IBTK: variants seen among roughly 807,000 people sequenced by gnomAD.
IBTK encodes the protein inhibitor of Bruton tyrosine kinase, also known as BTK-binding protein.
In IBTK, 83 loss-of-function variants were observed where a neutral mutation model predicts 154.9. The ratio of observed to expected loss-of-function variants is 0.54; its 90% CI spans 0.45 to 0.64. The LOEUF (loss-of-function observed/expected upper bound fraction) is 0.64. Ranked by LOEUF, IBTK falls within the 30% of genes least tolerant of loss-of-function variation. The pLI, the probability that IBTK is intolerant of heterozygous loss-of-function variation, is 0.00. For synonymous variants in IBTK, 515 were observed against 536.1 expected, an observed-to-expected ratio of 0.96 and a Z score of 0.54; for missense variants, 1,332 against 1,584.6, an observed-to-expected ratio of 0.84 and a Z score of 2.71.
At chr6:82,187,434 A>G (rs1437449391) in intron 25 of IBTK, among the ~76,000 whole-genome samples, 1 of 152,212 alleles carries the variant, frequency 6.6e-6, no homozygotes, top group African/African-American at 2.4e-5. Flanking sequence ...AGTTTCAGAT[A>G]AATGACCACT....
Position 82,208,909 on chromosome 6 carries a change from AG to A in IBTK, c.2509+1904del, listed in dbSNP as rs1769519370. ...AACATTATAAAAAAACAAATAATTG[AG>A]AAAAAAAGTGTCCAAAGGATTTGAG... On this transcript the variant is annotated intron_variant, in intron 16 of 28. Coordinates refer to ENST00000306270, the MANE Select transcript of IBTK (RefSeq NM_015525.4). 3.3e-5 allele frequency among the ~76,000 whole-genome samples: 5 copies of A among 152,334 alleles called. No homozygotes were observed. In the South Asian group the frequency reaches 1.0e-3, roughly 32 times the overall value.
intron 1 of IBTK, among the ~76,000 whole-genome samples, chr6:82,245,230 T>C (rs1771099529): frequency 6.6e-6 from 1 of 152,118 alleles, no homozygotes; most frequent in African/African-American, 2.4e-5. Flanking sequence ...TAAGACTTTC[T>C]ACAGGAGATA....
chr6:82,231,066 G>C (rs901640522), intron 4 of IBTK, among the ~76,000 whole-genome samples: 1 of 152,046 alleles, frequency 6.6e-6, no homozygotes, highest in African/African-American at 2.4e-5. Flanking sequence ...CTGAGACTTA[G>C]ACATTTAATT....
At chr6:82,246,573 G>A (rs541722324) in intron 1 of IBTK, among the ~76,000 whole-genome samples, 3 of 151,692 alleles carry the variant, frequency 2.0e-5, no homozygotes, top group African/African-American at 7.3e-5. Flanking sequence ...CAGTAGCTGG[G>A]ATTACAGGCG....
chr6:82,180,804 C>T (rs1290119775), intron 26 of IBTK, among the ~76,000 whole-genome samples: 2 of 152,180 alleles, frequency 1.3e-5, no homozygotes, highest in Non-Finnish European at 2.9e-5. Context: ...TTCCTCAGGA[C>T]AGGTAAAGTG....
At chr6:82,187,008 C>T (rs1169353206) in intron 25 of IBTK, among the ~76,000 whole-genome samples, 1 of 150,674 alleles carries the variant, frequency 6.6e-6, no homozygotes, top group African/African-American at 2.4e-5. Flanking sequence ...CTCTGCCTCC[C>T]AGGTTCAAGT....
At chr6:82,208,992 A>T (rs955537745) in intron 16 of IBTK, among the ~76,000 whole-genome samples, 7 of 152,340 alleles carry the variant, frequency 4.6e-5, no homozygotes, top group Admixed American at 4.6e-4. Flanking sequence ...GATGTTCAAC[A>T]TCATTAGTCA....
At chr6:82,173,271 G>C in intron 27 of IBTK, 96 bp downstream of exon 27, 1 of 816,844 alleles carries the variant, frequency 1.2e-6, no homozygotes, top group Admixed American at 2.1e-5. Flanking sequence ...CAGAGTGCTG[G>C]GATTATAGGC....
intron 1 of IBTK, among the ~76,000 whole-genome samples, chr6:82,244,379 C>G (rs1425534397): frequency 6.6e-6 from 1 of 152,166 alleles, no homozygotes; most frequent in African/African-American, 2.4e-5. Flanking sequence ...TCTTACTTGC[C>G]TTCCCTGCTT....
Position 82,200,675 on chromosome 6 carries a change from A to G in IBTK, c.2824T>C (p.Tyr942His). The G allele has an allele frequency of 1.3e-6, 2 of 1,579,278 alleles. No homozygotes were observed. Among genetic ancestry groups the G allele is most frequent in the Non-Finnish European group, 1.7e-6 (2 of 1,163,510 alleles). The stretch of plus-strand genomic sequence containing the variant: ...TAGCTAATATCTGGTCCATCTTGAT[A>G]TGGTGTAATGACTCTTCTATCCATT... ...PAMDRRVITP[Y>H]QDGPDISYLE... The change falls in exon 20 of 29, where the codon TAT becomes CAT. Residue 942 changes from tyrosine to histidine, a missense_variant. Coordinates refer to ENST00000306270, the MANE Select transcript of IBTK (RefSeq NM_015525.4).
Position 82,191,079 on chromosome 6 carries a change from TTC to T in IBTK, c.3567_3568del (p.Asn1190CysfsTer27). On this transcript the variant is annotated frameshift_variant, in exon 25 of 29. Transcript: ENST00000306270. LOFTEE classifies it high-confidence loss of function. ...AATAAAAATAAGAGCATACCATGCATTCACTGGTTTGGGGGCTTTTGAAGGAG... is the reference window on the plus strand; with the variant it reads ...AATAAAAATAAGAGCATACCATGCATACTGGTTTGGGGGCTTTTGAAGGAG... The T allele has an allele frequency of 1.3e-6, 2 of 1,551,746 alleles. No homozygotes were observed. The highest frequency in any genetic ancestry group is 4.1e-5 in the Admixed American group (2 of 48,660).
At chr6:82,190,214 G>A (rs1158388723) in intron 25 of IBTK, among the ~76,000 whole-genome samples, 1 of 152,000 alleles carries the variant, frequency 6.6e-6, no homozygotes, top group Non-Finnish European at 1.5e-5. Context: ...AAAATTATTT[G>A]CCACTTTCTT....
At chr6:82,200,757 T>A in intron 19 of IBTK, 49 bp from the exon 20 acceptor site, 1 of 1,125,650 alleles carries the variant, frequency 8.9e-7, no homozygotes, top group Non-Finnish European at 1.1e-6. Context: ...TGTGAAGTTT[T>A]TTTTTTTTTT....
Position 82,240,352 on chromosome 6 carries a change from T to C in IBTK, c.135A>G (p.Ala45=). ...TCCTGCCAAAAACATCCTTGATAGT[T>C]GCAGCATTGTAACAATGACTGGAGA... ...AFLSSHCYNA[A]TIKDVFGRNA... Residue 45 remains alanine (A), a synonymous_variant, in exon 2 of 29, where the codon GCA becomes GCG. Transcript: ENST00000306270. 3 of 1,614,194 alleles carry C rather than the reference T, an allele frequency of 1.9e-6. No homozygotes were observed. The highest frequency in any genetic ancestry group is 2.5e-6 in the Non-Finnish European group (3 of 1,180,016).
In IBTK at chr6:82,204,965, A is replaced by T; in HGVS notation, c.2510-7T>A. 6.4e-7 allele frequency: 1 copy of T among 1,555,918 alleles called. No individual in the cohort carries two copies. The highest frequency in any genetic ancestry group is 8.8e-7 in the Non-Finnish European group (1 of 1,139,862). ...AAATCTACATTTTGAGATTCTAAAAAAAGAAAGAAAACAAGCATCACTTTT... is the reference window on the plus strand; with the variant it reads ...AAATCTACATTTTGAGATTCTAAAATAAGAAAGAAAACAAGCATCACTTTT... On this transcript the variant is annotated splice_region_variant and splice_polypyrimidine_tract_variant and intron_variant, in intron 16 of 28. Transcript: ENST00000306270.
At chr6:82,231,953 T>A in intron 3 of IBTK, 111 bp from the exon 4 acceptor site, 1 of 567,114 alleles carries the variant, frequency 1.8e-6, no homozygotes, top group Non-Finnish European at 3.0e-6. Flanking sequence ...ATGAATATAT[T>A]AATATGATAT....
chr6:82,205,941 TA>T (rs1769394101), intron 16 of IBTK: 2 of 152,000 alleles, frequency 1.3e-5, no homozygotes, highest in South Asian at 4.2e-4. Context: ...AGCTTTAAAA[TA>T]TGAGACAAAG....
chr6:82,187,609 G>A (rs753999788), intron 25 of IBTK, among the ~76,000 whole-genome samples: 4 of 139,484 alleles, frequency 2.9e-5, no homozygotes, highest in Non-Finnish European at 3.3e-5. Flanking sequence ...TGATGTCGCC[G>A]AGTGGACAAA....
intron 3 of IBTK, among the ~76,000 whole-genome samples, chr6:82,232,695 T>G (rs998849106): frequency 6.6e-6 from 1 of 152,150 alleles, no homozygotes; most frequent in East Asian, 1.9e-4. Context: ...ACTGGAGGGA[T>G]AAGTGAAACT....
Sources: allele counts gnomAD v4.1 joint callset (sites outside exome capture counted in the v4.1 genomes callset), GRCh38; gene constraint gnomAD v4.1.1; transcripts MANE v1.5; gene names NCBI Gene and HGNC (gene_info 2026-07-23, HGNC 2026-07-21).